Variants in ATP10B observed in about 807,000 individuals in gnomAD.
ATP10B encodes ATPase phospholipid transporting 10B (putative).
In ATP10B, 122 loss-of-function variants were observed where a neutral mutation model predicts 141.2. That is an observed-to-expected ratio of 0.86 (90% CI 0.75 to 1.00). The LOEUF is 1.00. Ranked by LOEUF, ATP10B falls within the 50% of genes least tolerant of loss-of-function variation. ATP10B has a pLI of 0.00. For missense variants in ATP10B, 1,876 were observed against 1,825.3 expected (o/e 1.03, Z -0.51); for synonymous variants, 685 against 692.0 (o/e 0.99, Z 0.16).
chr5:160,739,257 T>A (rs898482047), intron 2 of ATP10B, among the ~76,000 whole-genome samples: 23 of 152,204 alleles, frequency 1.5e-4, no homozygotes, highest in African/African-American at 5.5e-4. Context: ...GATGTTTTTC[T>A]TTAAGGTCAG....
At chr5:160,792,305 G>A (rs1045268255) in intron 1 of ATP10B, among the ~76,000 whole-genome samples, 1 of 152,120 alleles carries the variant, frequency 6.6e-6, no homozygotes, top group African/African-American at 2.4e-5. Flanking sequence ...ACATATCAGA[G>A]AATGTGATCT....
the ATP10B span, among the ~76,000 whole-genome samples, chr5:160,870,710 G>C: frequency 0.71 from 107,909 of 151,592 alleles, 40,496 homozygotes; most frequent in East Asian, 0.97. Context: ...AAGCCAGAAA[G>C]CTCAGAGAAC....
chr5:160,884,300 C>T, the ATP10B span, among the ~76,000 whole-genome samples: 1 of 152,096 alleles, frequency 6.6e-6, no homozygotes, highest in African/African-American at 2.4e-5. Flanking sequence ...TCACATCTTC[C>T]AGGTAGGAGG....
At chr5:160,796,891 GA>G in intron 1 of ATP10B, among the ~76,000 whole-genome samples, 1 of 152,214 alleles carries the variant, frequency 6.6e-6, no homozygotes, top group Non-Finnish European at 1.5e-5. Flanking sequence ...GAAACAAATT[GA>G]GTGCAGTTTG....
rs188526149 is a variant in ATP10B at position 160,634,411 on chromosome 5, T to C, written c.1324A>G (p.Lys442Glu). ...ATGGTGCAACGTCGGAACACCATCT[T>C]GTTCTCTGTCAGGGTCCCCGTCTTA... ...SDKTGTLTEN[K>E]MVFRRCTIMG... is the part of the protein sequence containing the mutation. The change falls in exon 12 of 26, where the codon AAG becomes GAG. Residue 442 changes from lysine (K) to glutamate (E), a missense_variant. By Grantham distance (56) the Lys-to-Glu change is moderately conservative (BLOSUM62 1). Coordinates refer to ENST00000327245, the MANE Select transcript of ATP10B (RefSeq NM_025153.3). 226 of 1,614,202 alleles carry C rather than the reference T, an allele frequency of 1.4e-4. 2 individuals are homozygous for C. The East Asian group carries it at 4.9e-3, about 35-fold the overall frequency.
At chr5:160,866,205 T>C in the ATP10B span, among the ~76,000 whole-genome samples, 2 of 152,138 alleles carry the variant, frequency 1.3e-5, no homozygotes, top group South Asian at 2.1e-4. Context: ...GTGGTATATA[T>C]ACATCATGGA....
the ATP10B span, among the ~76,000 whole-genome samples, chr5:160,883,323 T>C: frequency 3.3e-5 from 5 of 152,146 alleles, no homozygotes; most frequent in Admixed American, 6.5e-5. Context: ...TTACAAAAAT[T>C]ATAGCAAAAA....
intron 24 of ATP10B, among the ~76,000 whole-genome samples, chr5:160,577,610 A>T (rs1273623889): frequency 1.1e-4 from 17 of 152,184 alleles, no homozygotes; most frequent in Non-Finnish European, 2.5e-4. Flanking sequence ...GGATTTTGCC[A>T]TTAAAAGTGC....
chr5:160,860,136 GT>G, the ATP10B span, among the ~76,000 whole-genome samples: 95 of 151,954 alleles, frequency 6.3e-4, no homozygotes, highest in South Asian at 3.5e-3. Flanking sequence ...TCTGCCCAGG[GT>G]TCTTGACTTT....
In ATP10B at chr5:160,839,596, C is replaced by T. The variant is rs564923849; in HGVS notation, c.-576+12345G>A. Among the ~76,000 whole-genome samples, 13 of 152,124 alleles carry T rather than the reference C, an allele frequency of 8.5e-5. No individual in the cohort carries two copies. In the East Asian group the frequency reaches 2.1e-3, roughly 25 times the overall value. On this transcript the variant is annotated intron_variant, in intron 1 of 25. Transcript: ENST00000327245. ...TAGAAAAAACACAGTAAATATAGTG[C>T]TTATAGTAATTACAACATAAGATGA...
intron 2 of ATP10B, among the ~76,000 whole-genome samples, chr5:160,780,652 A>C (rs1770654391): frequency 6.6e-6 from 1 of 152,100 alleles, no homozygotes; most frequent in Admixed American, 6.6e-5. Context: ...CACTCCTGAA[A>C]CTTTTCCTAC....
At chr5:160,899,396 A>T in the ATP10B span, among the ~76,000 whole-genome samples, 3 of 152,120 alleles carry the variant, frequency 2.0e-5, no homozygotes, top group African/African-American at 7.2e-5. Flanking sequence ...TTTGGGAGAC[A>T]GGGTGGTGAT....
chr5:160,740,326 C>T (rs1460300297), intron 2 of ATP10B, among the ~76,000 whole-genome samples: 1 of 152,218 alleles, frequency 6.6e-6, no homozygotes, highest in East Asian at 1.9e-4. Flanking sequence ...ACTATAACTT[C>T]ATTGAACTTC....
intron 19 of ATP10B, among the ~76,000 whole-genome samples, chr5:160,604,441 C>T (rs1757267018): frequency 6.6e-6 from 1 of 152,080 alleles, no homozygotes; most frequent in Admixed American, 6.6e-5. Context: ...AGAAAGGACC[C>T]AGGAGAAATG....
chr5:160,650,100 G>A (rs1760606235), intron 7 of ATP10B, among the ~76,000 whole-genome samples: 1 of 145,352 alleles, frequency 6.9e-6, no homozygotes, highest in Admixed American at 6.8e-5. Context: ...GCAAGACTCT[G>A]TCTCAAAAAA....
chr5:160,581,395 T>C (rs773970729), intron 24 of ATP10B, among the ~76,000 whole-genome samples: 40 of 152,232 alleles, frequency 2.6e-4, no homozygotes, highest in Non-Finnish European at 5.0e-4. Flanking sequence ...TCTGCCTTAA[T>C]TTCATTATTT....
chr5:160,756,670 G>T (rs1038131994), intron 2 of ATP10B, among the ~76,000 whole-genome samples: 4 of 151,426 alleles, frequency 2.6e-5, no homozygotes, highest in African/African-American at 9.7e-5. Flanking sequence ...TTTTTTTGAT[G>T]TGTCTGTTCA....
the ATP10B span, among the ~76,000 whole-genome samples, chr5:160,883,796 GTAT>G: frequency 1.3e-5 from 2 of 150,728 alleles, no homozygotes; most frequent in African/African-American, 5.0e-5. Flanking sequence ...GTTAACAAAA[GTAT>G]TCCGTGGACT....
At chr5:160,877,239 T>C in the ATP10B span, among the ~76,000 whole-genome samples, 86,991 of 150,304 alleles carry the variant, frequency 0.58, 28,132 homozygotes, top group East Asian at 0.85. Context: ...TATACACAAA[T>C]CAATAAATGT....
Sources: allele counts gnomAD v4.1 joint callset (sites outside exome capture counted in the v4.1 genomes callset), GRCh38; gene constraint gnomAD v4.1.1; transcripts MANE v1.5; gene names NCBI Gene and HGNC (gene_info 2026-07-23, HGNC 2026-07-21).